CCDC7: variants seen among roughly 807,000 people sequenced by gnomAD.
CCDC7 encodes coiled-coil domain-containing protein 7.
A neutral mutation model predicts 196.9 loss-of-function variants in CCDC7; 183 were observed. That is an observed-to-expected ratio of 0.93 (90% CI 0.82 to 1.05). CCDC7 has a LOEUF of 1.05. Ranked by LOEUF, CCDC7 falls within the 50% of genes least tolerant of loss-of-function variation. The pLI, the probability that CCDC7 is intolerant of heterozygous loss-of-function variation, is 0.00. For synonymous variants in CCDC7, 525 were observed against 484.6 expected (o/e 1.08, Z -1.10); for missense variants, 1,540 against 1,482.2 (o/e 1.04, Z -0.64).
chr10:32,878,045 C>G (rs1051889805), downstream of CCDC7, among the ~76,000 whole-genome samples: 1 of 151,890 alleles, frequency 6.6e-6, no homozygotes, highest in African/African-American at 2.4e-5. Flanking sequence ...TGGTCCTCCT[C>G]CTAGACCATC....
intron 28 of CCDC7, among the ~76,000 whole-genome samples, chr10:32,773,596 A>C (rs1040690998): frequency 1.3e-5 from 2 of 151,868 alleles, no homozygotes; most frequent in Non-Finnish European, 2.9e-5. Context: ...TTAGTTTTCT[A>C]TCTGTATTTT....
At chr10:32,705,784 G>T (rs181396955) in intron 24 of CCDC7, among the ~76,000 whole-genome samples, 1 of 152,030 alleles carries the variant, frequency 6.6e-6, no homozygotes, top group Non-Finnish European at 1.5e-5. Context: ...CTAAATATGT[G>T]TGCACCCAAT....
chr10:32,472,847 C>T (rs885116), intron 7 of CCDC7, among the ~76,000 whole-genome samples: 52,341 of 151,808 alleles, frequency 0.34, 11,452 homozygotes, highest in Non-Finnish European at 0.5. Flanking sequence ...CCTCCCACCT[C>T]GGGCTCCTAA....
chr10:32,464,233 A>G (rs2036292425), intron 5 of CCDC7, among the ~76,000 whole-genome samples: 1 of 152,140 alleles, frequency 6.6e-6, no homozygotes, highest in African/African-American at 2.4e-5. Flanking sequence ...TAATTTAGGC[A>G]ACTTATTCTT....
chr10:32,579,071 C>G (rs550675384), intron 16 of CCDC7, among the ~76,000 whole-genome samples: 1 of 152,252 alleles, frequency 6.6e-6, no homozygotes, highest in African/African-American at 2.4e-5. Flanking sequence ...GGTATATGTA[C>G]TAATCTTGGC....
chr10:32,587,112 T>G (rs529313731), intron 18 of CCDC7, among the ~76,000 whole-genome samples: 27 of 152,312 alleles, frequency 1.8e-4, no homozygotes, highest in Admixed American at 1.6e-3. Flanking sequence ...TACAATTCAG[T>G]GGCGTTAATT....
chr10:32,765,255 A>G (rs2078097223), intron 28 of CCDC7, among the ~76,000 whole-genome samples: 1 of 151,964 alleles, frequency 6.6e-6, no homozygotes, highest in Non-Finnish European at 1.5e-5. Context: ...GCAACATATA[A>G]AAGGAAATAA....
chr10:32,786,972 A>G (rs1396805386), intron 29 of CCDC7, among the ~76,000 whole-genome samples: 1 of 152,244 alleles, frequency 6.6e-6, no homozygotes, highest in Non-Finnish European at 1.5e-5. Context: ...TGAGCAGACG[A>G]AAGAAGAATC....
At chr10:32,868,503 GC>G (rs769961012) in intron 41 of CCDC7, among the ~76,000 whole-genome samples, 164 of 151,964 alleles carry the variant, frequency 1.1e-3, no homozygotes, top group Non-Finnish European at 1.7e-3. Flanking sequence ...CTCTTTATGT[GC>G]CAGACAAGAA....
intron 20 of CCDC7, among the ~76,000 whole-genome samples, chr10:32,643,487 A>C (rs947021821): frequency 6.6e-6 from 1 of 151,886 alleles, no homozygotes. Flanking sequence ...AGAACGTTTC[A>C]ATGTTTTAAT....
At chr10:32,703,601 G>A (rs986726852) in intron 24 of CCDC7, among the ~76,000 whole-genome samples, 1 of 152,036 alleles carries the variant, frequency 6.6e-6, no homozygotes, top group Admixed American at 6.5e-5. Flanking sequence ...ATAATATCCT[G>A]CAGACTGTTT....
chr10:32,693,142 A>T (rs1025534446), intron 23 of CCDC7, among the ~76,000 whole-genome samples: 5 of 152,130 alleles, frequency 3.3e-5, no homozygotes, highest in African/African-American at 7.2e-5. Flanking sequence ...TTTTTCTTCA[A>T]TGATTTCATT....
At chr10:32,516,334 C>T (rs148118195) in intron 9 of CCDC7, among the ~76,000 whole-genome samples, 1 of 151,714 alleles carries the variant, frequency 6.6e-6, no homozygotes, top group Non-Finnish European at 1.5e-5. Context: ...GTTGTCCAGG[C>T]TGGAGTGCAG....
intron 24 of CCDC7, among the ~76,000 whole-genome samples, chr10:32,708,315 A>C (rs1003742422): frequency 2.6e-5 from 4 of 152,228 alleles, no homozygotes; most frequent in Non-Finnish European, 5.9e-5. Flanking sequence ...TTGTACAAAA[A>C]TTAATTCACA....
Position 32,562,784 on chromosome 10 carries a change from G to T in CCDC7, c.1135-2774G>T, listed in dbSNP as rs2055984205. ...CACCACTCCTATTCAACATAGTGTTGGAAGTTCTGGCCAGGGCAATTAGGC... is the reference window on the plus strand; with the variant it reads ...CACCACTCCTATTCAACATAGTGTTTGAAGTTCTGGCCAGGGCAATTAGGC... On this transcript the variant is annotated intron_variant, in intron 13 of 41. Coordinates refer to ENST00000639629, the Ensembl canonical transcript of CCDC7. 2.0e-5 allele frequency among the ~76,000 whole-genome samples: 3 copies of T among 152,126 alleles called. No individual in the cohort carries two copies. The South Asian group carries it at 6.2e-4, about 32-fold the overall frequency.
At chr10:32,553,252 C>T (rs902660372) in intron 13 of CCDC7, among the ~76,000 whole-genome samples, 3 of 151,782 alleles carry the variant, frequency 2.0e-5, no homozygotes, top group South Asian at 2.1e-4. Flanking sequence ...AAAAGTGTGT[C>T]CAGAGTTTCC....
chr10:32,637,367 A>G (rs1291736855), intron 20 of CCDC7, among the ~76,000 whole-genome samples: 1 of 152,170 alleles, frequency 6.6e-6, no homozygotes, highest in African/African-American at 2.4e-5. Flanking sequence ...TTTTAGGTCT[A>G]ATGTTTAAGT....
intron 30 of CCDC7, among the ~76,000 whole-genome samples, chr10:32,807,362 C>T (rs552920863): frequency 9.9e-5 from 15 of 151,610 alleles, no homozygotes; most frequent in East Asian, 3.9e-4. Flanking sequence ...AGCACACAGG[C>T]GATGGTTGAG....
intron 21 of CCDC7, among the ~76,000 whole-genome samples, chr10:32,669,944 T>C (rs2073720731): frequency 1.3e-5 from 2 of 152,204 alleles, no homozygotes; most frequent in African/African-American, 4.8e-5. Context: ...GGACAAATTA[T>C]AATCAGACGT....
Sources: allele counts gnomAD v4.1 joint callset (sites outside exome capture counted in the v4.1 genomes callset), GRCh38; gene constraint gnomAD v4.1.1; transcripts MANE v1.5; gene names NCBI Gene and HGNC (gene_info 2026-07-23, HGNC 2026-07-21).